IRS1: variants seen among roughly 807,000 people sequenced by gnomAD.
The protein encoded by IRS1 is insulin receptor substrate 1.
IRS1 carries 34 observed loss-of-function variants against 65.6 expected under a neutral mutation model. The ratio of observed to expected loss-of-function variants is 0.52; its 90% CI spans 0.39 to 0.69. The LOEUF (loss-of-function observed/expected upper bound fraction) is 0.69, where lower values mean the gene tolerates loss of function less well. Among genes scored for constraint, IRS1 ranks in the 30% least tolerant of loss-of-function variants. The pLI is 0.00. For synonymous variants in IRS1, 699 were observed against 683.5 expected (o/e 1.02, Z -0.35); for missense variants, 1,641 against 1,720.2 (o/e 0.95, Z 0.81).
chr2:226,762,528 T>C (rs1249155941), intron 1 of IRS1, among the ~76,000 whole-genome samples: 1 of 152,166 alleles, frequency 6.6e-6, no homozygotes, highest in Non-Finnish European at 1.5e-5. Flanking sequence ...TCTTGGGCTT[T>C]GTGGACCATG....
chr2:226,767,741 G>C (rs80344100), intron 1 of IRS1, among the ~76,000 whole-genome samples: 1 of 152,142 alleles, frequency 6.6e-6, no homozygotes, highest in African/African-American at 2.4e-5. Flanking sequence ...AATAAGCCTC[G>C]GTGATGCTGG....
intron 1 of IRS1, among the ~76,000 whole-genome samples, chr2:226,785,406 C>T (rs1434476981): frequency 6.6e-6 from 1 of 151,976 alleles, no homozygotes; most frequent in Non-Finnish European, 1.5e-5. Flanking sequence ...AGTCTGAGAC[C>T]AGTTTGGCCA....
At chr2:226,738,438 ATT>A (rs1179387127) in intron 1 of IRS1, among the ~76,000 whole-genome samples, 1 of 152,196 alleles carries the variant, frequency 6.6e-6, no homozygotes, top group African/African-American at 2.4e-5. Flanking sequence ...ATTTCTATTT[ATT>A]TTTAAATATT....
In IRS1 at chr2:226,796,243, G is replaced by A. The variant is rs544625033; in HGVS notation, c.2496C>T (p.Pro832=). The A allele has an allele frequency of 5.0e-6, 8 of 1,613,496 alleles. No individual in the cohort carries two copies. The South Asian group carries it at 7.7e-5, about 15-fold the overall frequency. The part of the protein sequence containing the change: ...GARLEPSLPH[P]HHQVLQPHLP... ...GATGGGGCTGCAGAACCTGATGGTG[G>A]GGATGTGGAAGGCTGGGCTCCAGCC... Residue 832 remains proline, a synonymous_variant, in exon 1 of 2, where the codon CCC becomes CCT. Transcript: ENST00000305123.
Position 226,798,945 on chromosome 2 carries a change from G to A in IRS1, c.-207C>T. On this transcript the variant is annotated 5_prime_UTR_variant, in exon 1 of 2. Transcript: ENST00000305123. The surrounding 1 kb of genome is among the most constrained non-coding windows in gnomAD (Gnocchi z 9.4). ...GCTGAGCCCAGGAGAGAGCCCGACC[G>A]GAGTTTTCGGGCGCTTCACGCCCGG... 1 of 1,447,504 alleles carries A rather than the reference G, an allele frequency of 6.9e-7. No individual in the cohort carries two copies. The highest frequency in any genetic ancestry group is 1.5e-5 in the South Asian group (1 of 67,098). The allele number at this position is 1,447,504 out of a possible 1,614,324, so 89.7% of individuals were successfully genotyped here.
rs550810042 is a variant in IRS1 at position 226,783,278 on chromosome 2, T to C, written c.*21+11711A>G. Among the ~76,000 whole-genome samples, 3 of 152,346 alleles carry C rather than the reference T, an allele frequency of 2.0e-5. No individual in the cohort carries two copies. In the East Asian group the frequency reaches 5.8e-4, roughly 29 times the overall value. On this transcript the variant is annotated intron_variant, in intron 1 of 1. Coordinates refer to ENST00000305123, the MANE Select transcript of IRS1 (RefSeq NM_005544.3). ...CCACAAAGCATGTAATATAAAAATA[T>C]GTGTTTCTCCTTTACAAACCTGAAT... is the stretch of plus-strand genomic sequence containing the variant.
intron 1 of IRS1, among the ~76,000 whole-genome samples, chr2:226,758,479 C>T (rs1407295741): frequency 4.6e-5 from 7 of 151,990 alleles, no homozygotes; most frequent in Admixed American, 3.9e-4. Context: ...TCCCAATATA[C>T]AGTTGAATAT....
At chr2:226,788,023 A>C (rs1388726816) in intron 1 of IRS1, among the ~76,000 whole-genome samples, 1 of 151,798 alleles carries the variant, frequency 6.6e-6, no homozygotes, top group Admixed American at 6.6e-5. Context: ...TATATTCAAA[A>C]AAAAAAACGT....
At chr2:226,768,627 T>C (rs186800826) in intron 1 of IRS1, among the ~76,000 whole-genome samples, 166 of 152,292 alleles carry the variant, frequency 1.1e-3, no homozygotes, top group African/African-American at 3.7e-3. Context: ...AAAATTCATG[T>C]GAAACTAGGT....
At chr2:226,782,638 G>A (rs916541117) in intron 1 of IRS1, among the ~76,000 whole-genome samples, 3 of 152,174 alleles carry the variant, frequency 2.0e-5, no homozygotes, top group African/African-American at 7.2e-5. Context: ...ATATCCCCTG[G>A]CTCTGCGTTC....
chr2:226,769,680 T>C (rs1939126631), intron 1 of IRS1, among the ~76,000 whole-genome samples: 5 of 152,234 alleles, frequency 3.3e-5, no homozygotes, highest in African/African-American at 1.2e-4. Flanking sequence ...TTAGTAGGAA[T>C]GAGGCAGATA....
intron 1 of IRS1, among the ~76,000 whole-genome samples, chr2:226,772,537 T>C (rs988639871): frequency 5.3e-5 from 8 of 152,134 alleles, no homozygotes; most frequent in African/African-American, 1.7e-4. Context: ...ACAATAGATA[T>C]AGCTAATGAA....
chr2:226,765,243 T>G (rs1939009555), intron 1 of IRS1, among the ~76,000 whole-genome samples: 1 of 152,216 alleles, frequency 6.6e-6, no homozygotes, highest in Admixed American at 6.5e-5. Flanking sequence ...AGCTCACCAA[T>G]TCATATTCTT....
intron 1 of IRS1, among the ~76,000 whole-genome samples, chr2:226,753,330 T>C (rs572977641): frequency 6.6e-6 from 1 of 152,350 alleles, no homozygotes; most frequent in South Asian, 2.1e-4. Context: ...TTATTTAAAA[T>C]GGATTGCCCT....
In IRS1 at chr2:226,748,966, G is replaced by A. The variant is rs556065961; in HGVS notation, c.*22-12716C>T. Among the ~76,000 whole-genome samples the A allele has an allele frequency of 2.6e-5, 4 of 152,238 alleles. No homozygotes were observed. The South Asian group carries it at 8.3e-4, about 32-fold the overall frequency. ...CAGATCCTCCTTAAATATAGCAAAA[G>A]GAGCTGCTGCAGGTCCCAGAGTACA... On this transcript the variant is annotated intron_variant, in intron 1 of 1. Coordinates refer to ENST00000305123, the MANE Select transcript of IRS1 (RefSeq NM_005544.3).
rs1938269685 is a variant in IRS1, at chr2:226,733,548, T to A, written c.*2724A>T. On this transcript the variant is annotated 3_prime_UTR_variant, in exon 2 of 2. Transcript: ENST00000305123. The stretch of plus-strand genomic sequence containing the variant: ...AGAGGATTTTAAAACTCTGCTTAAG[T>A]CTCTAAGGAAAAACGCTGTGAGAGG... 6.6e-6 allele frequency: 1 copy of A among 152,164 alleles called. No homozygotes were observed. The highest frequency in any genetic ancestry group is 1.5e-5 in the Non-Finnish European group (1 of 68,034). 9.4% of individuals were successfully genotyped at this position (152,164 alleles called of 1,614,324 possible). A position where few individuals can be genotyped will look rare whatever the true frequency, so the allele number is the denominator to read the frequency against.
chr2:226,768,721 C>T (rs1476751291), intron 1 of IRS1, among the ~76,000 whole-genome samples: 1 of 152,138 alleles, frequency 6.6e-6, no homozygotes, highest in Non-Finnish European at 1.5e-5. Flanking sequence ...GCTGCAACCC[C>T]CACCTCCTGG....
chr2:226,782,369 C>T (rs1939400862), intron 1 of IRS1, among the ~76,000 whole-genome samples: 1 of 152,154 alleles, frequency 6.6e-6, no homozygotes, highest in Non-Finnish European at 1.5e-5. Flanking sequence ...TAAAGTACTG[C>T]CTTTGCTTTG....
chr2:226,791,820 A>C (rs1346639201), intron 1 of IRS1, among the ~76,000 whole-genome samples: 6 of 151,850 alleles, frequency 4.0e-5, no homozygotes, highest in Non-Finnish European at 8.8e-5. Flanking sequence ...AGCGCCGACC[A>C]CGCGGCCCGG....
Sources: gnomAD v4.1 joint callset for allele counts (sites outside exome capture counted in the v4.1 genomes callset) on GRCh38, gnomAD v4.1.1 for gene constraint, Gnocchi (gnomAD v3.1) non-coding constraint, MANE v1.5 for transcripts, NCBI Gene and HGNC (gene_info 2026-07-23, HGNC 2026-07-21) for gene names.